NRXN1: variants seen among roughly 807,000 people sequenced by gnomAD.
NRXN1 encodes the protein neurexin 1, also known as neurexin-1.
In NRXN1, 39 loss-of-function variants were observed where a neutral mutation model predicts 150.9. That is an observed-to-expected ratio of 0.26 (90% CI 0.20 to 0.34). The LOEUF is 0.34. NRXN1 is among the 10% of genes least tolerant of loss of function. The probability of loss-of-function intolerance (pLI) is 1.00; values close to 1 mark genes in which losing one functional copy is unlikely to be tolerated. For missense variants in NRXN1, 1,815 were observed against 1,949.9 expected (o/e 0.93, Z 1.30); for synonymous variants, 924 against 757.0 (o/e 1.22, Z -3.62).
Position 50,173,734 on chromosome 2 carries a change from T to G in NRXN1, c.3546+63055A>C, listed in dbSNP as rs185605590. On this transcript the variant is annotated intron_variant, in intron 18 of 22. Transcript: ENST00000401669. ...TATGTTAGCATTAATGTTTTAATTT[T>G]CATATACATATCCTTAGGCCATTTT... is the stretch of plus-strand genomic sequence containing the variant. 1.4e-4 allele frequency among the ~76,000 whole-genome samples: 22 copies of G among 152,334 alleles called. 1 individual carries two copies. Among genetic ancestry groups the G allele is most frequent in the Admixed American group, 8.5e-4 (13 of 15,294 alleles).
intron 18 of NRXN1, among the ~76,000 whole-genome samples, chr2:50,119,919 T>A (rs1703632211): frequency 6.6e-6 from 1 of 152,172 alleles, no homozygotes. Context: ...GTCTCTCTCA[T>A]GGGTTTGTTT....
chr2:50,106,273 G>C (rs1330865977), intron 18 of NRXN1, among the ~76,000 whole-genome samples: 2 of 151,714 alleles, frequency 1.3e-5, no homozygotes, highest in Non-Finnish European at 2.9e-5. Context: ...CTTTTAATTT[G>C]GGATGATTAT....
At chr2:50,789,391 T>C (rs1705619999) in intron 5 of NRXN1, among the ~76,000 whole-genome samples, 1 of 152,206 alleles carries the variant, frequency 6.6e-6, no homozygotes, top group Non-Finnish European at 1.5e-5. Flanking sequence ...CTAGCTCTAT[T>C]CAATCTCAGC....
At chr2:50,027,657 C>G (rs1490670059) in intron 21 of NRXN1, among the ~76,000 whole-genome samples, 1 of 152,112 alleles carries the variant, frequency 6.6e-6, no homozygotes, top group Non-Finnish European at 1.5e-5. Context: ...GCCTTGAACT[C>G]CTGGGCTCAA....
chr2:49,993,891 TGAAGAACTCTTA>T (rs1482212217), intron 21 of NRXN1, among the ~76,000 whole-genome samples: 2 of 152,164 alleles, frequency 1.3e-5, no homozygotes, highest in Non-Finnish European at 2.9e-5. Context: ...TTGTATCTCT[TGAAGAACTCTTA>T]GAAGAACTGG....
At chr2:50,754,752 T>G (rs534018127) in intron 5 of NRXN1, among the ~76,000 whole-genome samples, 1 of 152,022 alleles carries the variant, frequency 6.6e-6, no homozygotes, top group East Asian at 1.9e-4. Context: ...TGCCAAGCAT[T>G]ACCAGCTTGT....
At chr2:50,447,479 CAAAAAAAAAAAAA>C (rs35878890) in intron 17 of NRXN1, among the ~76,000 whole-genome samples, 3 of 38,552 alleles carry the variant, frequency 7.8e-5, no homozygotes, top group Non-Finnish European at 9.1e-5. Flanking sequence ...GACTCTGTCT[CAAAAAAAAAAAAA>C]AAAAAAAAAA....
rs1435475367 is a variant in NRXN1 at position 49,989,775 on chromosome 2, T to C, written c.4129-45984A>G. On this transcript the variant is annotated intron_variant, in intron 21 of 22. Coordinates refer to ENST00000401669, the MANE Select transcript of NRXN1 (RefSeq NM_001330078.2). The stretch of plus-strand genomic sequence containing the variant: ...GCAGACTAGAGTGAGAATAAAGTTA[T>C]GATTGGTAGGAAAGTAGTATTCAAC... Among the ~76,000 whole-genome samples, 3 of 152,194 alleles carry C rather than the reference T, an allele frequency of 2.0e-5. No individual in the cohort carries two copies. In the East Asian group the frequency reaches 5.8e-4, roughly 29 times the overall value.
intron 5 of NRXN1, among the ~76,000 whole-genome samples, chr2:50,650,656 T>A (rs1685482657): frequency 6.6e-6 from 1 of 151,978 alleles, no homozygotes; most frequent in Non-Finnish European, 1.5e-5. Flanking sequence ...GACAATGAAA[T>A]CTAGATTTTT....
intron 17 of NRXN1, among the ~76,000 whole-genome samples, chr2:50,455,006 G>C (rs2087402546): frequency 6.6e-6 from 1 of 152,054 alleles, no homozygotes; most frequent in African/African-American, 2.4e-5. Context: ...GCCCAAATGA[G>C]GGCATCATTT....
chr2:50,865,053 CGT>C (rs951007657), intron 5 of NRXN1, among the ~76,000 whole-genome samples: 24 of 151,570 alleles, frequency 1.6e-4, no homozygotes, highest in African/African-American at 5.6e-4. Flanking sequence ...GAAAAGAGTG[CGT>C]GTGTGTGTAT....
intron 19 of NRXN1, among the ~76,000 whole-genome samples, chr2:50,067,572 A>G (rs565955932): frequency 6.6e-6 from 1 of 152,314 alleles, no homozygotes; most frequent in East Asian, 1.9e-4. Flanking sequence ...AAAATACAGA[A>G]CTTACTCTGA....
At position 49,920,845 on chromosome 2, in the gene NRXN1, G is replaced by C. The variant is rs1668070906; in HGVS notation, c.*1099C>G. 6.6e-6 allele frequency: 1 copy of C among 152,290 alleles called. No homozygotes were observed. Among genetic ancestry groups the C allele is most frequent in the South Asian group, 2.1e-4 (1 of 4,812 alleles). The allele number at this position is 152,290 out of a possible 1,614,324, so 9.4% of individuals were successfully genotyped here. On this transcript the variant is annotated 3_prime_UTR_variant, in exon 23 of 23. Coordinates refer to ENST00000401669, the MANE Select transcript of NRXN1 (RefSeq NM_001330078.2). Reference sequence around the variant, plus strand: ...TTTCTAATTCACACCTTTCATACAAGTACTAAAACTTAATTGCAACAGAAT... The same window carrying C: ...TTTCTAATTCACACCTTTCATACAACTACTAAAACTTAATTGCAACAGAAT...
intron 18 of NRXN1, among the ~76,000 whole-genome samples, chr2:50,222,098 G>A (rs1162102302): frequency 6.6e-6 from 1 of 151,952 alleles, no homozygotes; most frequent in Non-Finnish European, 1.5e-5. Flanking sequence ...GGTAGACTCT[G>A]AAATGAGTAC....
intron 5 of NRXN1, among the ~76,000 whole-genome samples, chr2:50,812,807 A>T (rs1341026665): frequency 1.3e-5 from 2 of 151,458 alleles, no homozygotes; most frequent in Non-Finnish European, 2.9e-5. Context: ...AAGCAAAAAA[A>T]AAAAGAAAAG....
intron 21 of NRXN1, among the ~76,000 whole-genome samples, chr2:49,963,722 G>C (rs1260676690): frequency 6.6e-6 from 1 of 152,078 alleles, no homozygotes; most frequent in Admixed American, 6.5e-5. Context: ...AAACAAAACA[G>C]GGTAAAACAA....
intron 19 of NRXN1, among the ~76,000 whole-genome samples, chr2:50,072,045 T>C (rs562938047): frequency 6.6e-6 from 1 of 152,352 alleles, no homozygotes; most frequent in South Asian, 2.1e-4. Context: ...ATTTTCATCA[T>C]GAAATATACA....
intron 2 of NRXN1, among the ~76,000 whole-genome samples, chr2:50,952,906 C>A (rs1388072669): frequency 6.6e-6 from 1 of 152,192 alleles, no homozygotes; most frequent in Non-Finnish European, 1.5e-5. Flanking sequence ...AGAGCTCAAG[C>A]TGCTAGAAGA....
At chr2:50,423,660 C>A (rs1392004299) in intron 17 of NRXN1, among the ~76,000 whole-genome samples, 4 of 151,926 alleles carry the variant, frequency 2.6e-5, no homozygotes, top group African/African-American at 9.7e-5. Context: ...GTGAATAAGG[C>A]AGATAACCCA....
Sources: gnomAD v4.1 joint callset for allele counts (sites outside exome capture counted in the v4.1 genomes callset) on GRCh38, gnomAD v4.1.1 for gene constraint, MANE v1.5 for transcripts, NCBI Gene and HGNC (gene_info 2026-07-23, HGNC 2026-07-21) for gene names.